The following SCHIP1 variants were observed in gnomAD, a reference collection of about 807,000 sequenced individuals.
The protein encoded by SCHIP1 is schwannomin-interacting protein 1.
In SCHIP1, 8 loss-of-function variants were observed where a neutral mutation model predicts 29.7. That is an observed-to-expected ratio of 0.27 (90% CI 0.16 to 0.49). SCHIP1 has a LOEUF of 0.49. Ranked by LOEUF, SCHIP1 falls within the 20% of genes least tolerant of loss-of-function variation. SCHIP1 has a pLI of 0.99. For synonymous variants in SCHIP1, 76 were observed against 94.9 expected (o/e 0.80, Z 1.16); for missense variants, 193 against 294.6 (o/e 0.66, Z 2.52).
the SCHIP1 span, among the ~76,000 whole-genome samples, chr3:159,334,005 C>T: frequency 1.3e-5 from 2 of 152,124 alleles, no homozygotes; most frequent in African/African-American, 4.8e-5. Flanking sequence ...ATAACACATA[C>T]CTACCAGTTT....
the SCHIP1 span, among the ~76,000 whole-genome samples, chr3:159,285,941 T>G: frequency 6.6e-6 from 1 of 152,198 alleles, no homozygotes; most frequent in African/African-American, 2.4e-5. Context: ...TGTTTCTATA[T>G]CTCTTTTATT....
the SCHIP1 span, among the ~76,000 whole-genome samples, chr3:159,463,034 C>A: frequency 6.6e-6 from 1 of 151,442 alleles, no homozygotes; most frequent in Admixed American, 6.6e-5. Flanking sequence ...TATATAGACA[C>A]GGAAAGTCTA....
the SCHIP1 span, among the ~76,000 whole-genome samples, chr3:159,539,375 G>A: frequency 7.3e-6 from 1 of 136,644 alleles, no homozygotes; most frequent in Admixed American, 7.4e-5. Flanking sequence ...AAGGAAAAAA[G>A]AAGAGAAAAC....
the SCHIP1 span, among the ~76,000 whole-genome samples, chr3:159,740,776 A>AAAAAAAAAAAAAAAAAAAAAAC: frequency 6.7e-6 from 1 of 149,080 alleles, no homozygotes; most frequent in African/African-American, 2.4e-5. Context: ...AAAAAGAAAA[A>AAAAAAAAAAAAAAAAAAAAAAC]AAAAAAAAAA....
the SCHIP1 span, among the ~76,000 whole-genome samples, chr3:159,723,916 T>C: frequency 6.6e-6 from 1 of 152,256 alleles, no homozygotes; most frequent in Admixed American, 6.5e-5. Flanking sequence ...ATTTTCCATA[T>C]TCATAATTTG....
the SCHIP1 span, among the ~76,000 whole-genome samples, chr3:159,669,188 G>A: frequency 8.5e-5 from 13 of 152,168 alleles, no homozygotes; most frequent in African/African-American, 3.1e-4. Context: ...TGTTGTAAAG[G>A]TCAAGAACAA....
At chr3:159,306,818 A>T in the SCHIP1 span, among the ~76,000 whole-genome samples, 12 of 152,322 alleles carry the variant, frequency 7.9e-5, no homozygotes, top group East Asian at 3.9e-4. Context: ...TGTAGCAATA[A>T]CTTATAAAAA....
intron 1 of SCHIP1, among the ~76,000 whole-genome samples, chr3:159,855,733 G>A (rs575845375): frequency 6.6e-6 from 1 of 152,066 alleles, no homozygotes; most frequent in South Asian, 2.1e-4. Flanking sequence ...TTAAAAAATT[G>A]ATACATCCCT....
chr3:159,712,492 G>A, the SCHIP1 span, among the ~76,000 whole-genome samples: 2 of 151,840 alleles, frequency 1.3e-5, no homozygotes, highest in African/African-American at 4.8e-5. Context: ...TGAGGCAGGA[G>A]GATCACTTGA....
chr3:159,607,873 G>T, the SCHIP1 span, among the ~76,000 whole-genome samples: 1 of 152,164 alleles, frequency 6.6e-6, no homozygotes, highest in Non-Finnish European at 1.5e-5. Flanking sequence ...TGTCTTATAT[G>T]GATGGTCTGA....
the SCHIP1 span, among the ~76,000 whole-genome samples, chr3:159,625,807 G>A: frequency 6.6e-6 from 1 of 151,820 alleles, no homozygotes; most frequent in South Asian, 2.1e-4. Flanking sequence ...CAAGCTTCAC[G>A]GCTTCCCTCC....
the SCHIP1 span, among the ~76,000 whole-genome samples, chr3:159,794,056 C>G: frequency 1.3e-5 from 2 of 152,216 alleles, no homozygotes; most frequent in Admixed American, 1.3e-4. Context: ...TTAACGTCAT[C>G]ACATCTATGG....
At chr3:159,428,129 G>A in the SCHIP1 span, among the ~76,000 whole-genome samples, 1 of 151,316 alleles carries the variant, frequency 6.6e-6, no homozygotes, top group Admixed American at 6.6e-5. Flanking sequence ...CAGGACATAG[G>A]CATGGGCAAG....
the SCHIP1 span, among the ~76,000 whole-genome samples, chr3:159,831,823 A>G: frequency 6.6e-6 from 1 of 152,218 alleles, no homozygotes; most frequent in African/African-American, 2.4e-5. Context: ...GGAATTTTCC[A>G]TTTAATAGTT....
chr3:159,878,507 G>A (rs1377298602), intron 2 of SCHIP1, among the ~76,000 whole-genome samples: 12 of 145,638 alleles, frequency 8.2e-5, no homozygotes, highest in East Asian at 2.1e-4. Flanking sequence ...GGCCGGGCGC[G>A]GTGGCTCACG....
chr3:159,690,275 T>C, the SCHIP1 span, among the ~76,000 whole-genome samples: 189 of 152,298 alleles, frequency 1.2e-3, no homozygotes, highest in African/African-American at 4.5e-3. Context: ...ATTTCAGAAC[T>C]TGTTATTGGT....
chr3:159,732,468 C>G, the SCHIP1 span, among the ~76,000 whole-genome samples: 1 of 152,074 alleles, frequency 6.6e-6, no homozygotes, highest in South Asian at 2.1e-4. Flanking sequence ...GTTCTCATGG[C>G]GGGTTAGAAA....
chr3:159,278,673 C>T, the SCHIP1 span, among the ~76,000 whole-genome samples: 1 of 152,132 alleles, frequency 6.6e-6, no homozygotes, highest in Non-Finnish European at 1.5e-5. Flanking sequence ...AAGCTGTAGA[C>T]CATCAATTCA....
At chr3:159,372,450 G>T in the SCHIP1 span, among the ~76,000 whole-genome samples, 1 of 152,048 alleles carries the variant, frequency 6.6e-6, no homozygotes, top group African/African-American at 2.4e-5. Flanking sequence ...TTTTATACTT[G>T]ATTGAAATGT....
Sources: allele counts gnomAD v4.1 joint callset (sites outside exome capture counted in the v4.1 genomes callset), GRCh38; gene constraint gnomAD v4.1.1; transcripts MANE v1.5; gene names NCBI Gene and HGNC (gene_info 2026-07-23, HGNC 2026-07-21).